The following PTPRD variants were observed in gnomAD, a reference collection of about 807,000 sequenced individuals.
PTPRD encodes the protein receptor-type tyrosine-protein phosphatase delta.
Under a neutral mutation model 214.5 loss-of-function variants are expected in PTPRD, and 34 were observed. That is an observed-to-expected ratio of 0.16 (90% confidence interval 0.12 to 0.21). The LOEUF is 0.21. PTPRD is among the 10% of genes least tolerant of loss of function. The probability of loss-of-function intolerance (pLI) is 1.00; values close to 1 mark genes in which losing one functional copy is unlikely to be tolerated. For synonymous variants in PTPRD, 1,128 were observed against 845.7 expected (o/e 1.33, Z -5.79); for missense variants, 2,545 against 2,398.7 (o/e 1.06, Z -1.27).
chr9:9,404,106 T>C (rs1272740990), intron 8 of PTPRD, among the ~76,000 whole-genome samples: 3 of 152,018 alleles, frequency 2.0e-5, no homozygotes, highest in East Asian at 1.9e-4. Context: ...AACAGAGTGG[T>C]AAAAAATACA....
chr9:9,121,308 C>A (rs949839357), intron 10 of PTPRD, among the ~76,000 whole-genome samples: 2 of 152,160 alleles, frequency 1.3e-5, no homozygotes, highest in African/African-American at 4.8e-5. Context: ...ATTGATTGAG[C>A]AATGACACTA....
chr9:8,607,376 G>A (rs2095267091), intron 14 of PTPRD, among the ~76,000 whole-genome samples: 1 of 152,190 alleles, frequency 6.6e-6, no homozygotes, highest in Non-Finnish European at 1.5e-5. Context: ...CGGGTGCGGT[G>A]CCGCATGCCT....
chr9:9,725,497 GA>G (rs1596108834), intron 7 of PTPRD, among the ~76,000 whole-genome samples: 2 of 152,196 alleles, frequency 1.3e-5, no homozygotes, highest in East Asian at 3.9e-4. Context: ...AAGGCTAAGA[GA>G]AAAGGCACTG....
chr9:10,151,059 C>CTTTTTTT (rs138485125), intron 3 of PTPRD, among the ~76,000 whole-genome samples: 1 of 111,122 alleles, frequency 9.0e-6, no homozygotes. Context: ...TTTTTGTTAA[C>CTTTTTTT]TTTTTTTTTT....
intron 2 of PTPRD, among the ~76,000 whole-genome samples, chr9:10,352,805 T>C (rs1056846171): frequency 6.6e-6 from 1 of 152,038 alleles, no homozygotes; most frequent in Non-Finnish European, 1.5e-5. Flanking sequence ...ATCTGCAAAA[T>C]AGGCTAAAAT....
At chr9:10,450,803 A>T (rs977324186) in intron 2 of PTPRD, among the ~76,000 whole-genome samples, 2 of 151,962 alleles carry the variant, frequency 1.3e-5, no homozygotes, top group African/African-American at 4.8e-5. Flanking sequence ...CTGCTGCTCT[A>T]CCATCACGTC....
intron 2 of PTPRD, among the ~76,000 whole-genome samples, chr9:10,466,247 T>C (rs1047952856): frequency 6.6e-6 from 1 of 152,186 alleles, no homozygotes; most frequent in African/African-American, 2.4e-5. Context: ...CCTGAAATTA[T>C]ACTAGCGAAA....
chr9:8,530,151 T>A (rs1476367684), intron 14 of PTPRD, among the ~76,000 whole-genome samples: 2 of 152,078 alleles, frequency 1.3e-5, no homozygotes, highest in South Asian at 4.1e-4. Context: ...GAATTTCTAA[T>A]GAAGAAGCTC....
At chr9:9,910,123 G>A (rs10759102) in intron 5 of PTPRD, among the ~76,000 whole-genome samples, 58,390 of 151,562 alleles carry the variant, frequency 0.39, 11,552 homozygotes, top group East Asian at 0.47. Context: ...TCATATCTGT[G>A]AAGGCAGAGG....
intron 2 of PTPRD, among the ~76,000 whole-genome samples, chr9:10,572,579 G>T (rs2067811164): frequency 6.6e-6 from 1 of 152,194 alleles, no homozygotes; most frequent in Admixed American, 6.5e-5. Flanking sequence ...CTGTCAGCAT[G>T]TAGATGGGGG....
intron 3 of PTPRD, among the ~76,000 whole-genome samples, chr9:10,100,259 C>T (rs1029058939): frequency 1.3e-5 from 2 of 151,600 alleles, no homozygotes; most frequent in African/African-American, 4.8e-5. Flanking sequence ...AAGCACTTTC[C>T]ATCCATCTCA....
At chr9:9,184,244 G>C (rs541244416) in intron 9 of PTPRD, among the ~76,000 whole-genome samples, 109 of 152,104 alleles carry the variant, frequency 7.2e-4, no homozygotes, top group Admixed American at 6.7e-3. Context: ...ACATCACCCT[G>C]TGTCGGAGAA....
At chr9:8,387,189 G>A (rs2087431244) in intron 37 of PTPRD, among the ~76,000 whole-genome samples, 1 of 152,142 alleles carries the variant, frequency 6.6e-6, no homozygotes, top group South Asian at 2.1e-4. Flanking sequence ...AATGAAGGGA[G>A]CAAACAGAGG....
chr9:8,706,499 GTC>G (rs535737442), intron 12 of PTPRD, among the ~76,000 whole-genome samples: 2 of 152,084 alleles, frequency 1.3e-5, no homozygotes, highest in South Asian at 4.1e-4. Flanking sequence ...AGTCTGCATG[GTC>G]TCTCTTTTTT....
chr9:8,688,543 C>T (rs1336543839), intron 12 of PTPRD, among the ~76,000 whole-genome samples: 2 of 138,510 alleles, frequency 1.4e-5, no homozygotes, highest in African/African-American at 2.7e-5. Flanking sequence ...CCAGCCTGGG[C>T]GATAGAGCGA....
intron 2 of PTPRD, among the ~76,000 whole-genome samples, chr9:10,350,120 AT>A (rs1263267338): frequency 3.9e-5 from 6 of 152,004 alleles, no homozygotes; most frequent in Non-Finnish European, 7.4e-5. Flanking sequence ...ATATAGACCC[AT>A]TTCATTGGTG....
At chr9:10,156,429 T>C (rs1430340099) in intron 3 of PTPRD, among the ~76,000 whole-genome samples, 1 of 152,178 alleles carries the variant, frequency 6.6e-6, no homozygotes, top group South Asian at 2.1e-4. Context: ...TTAATTTCTA[T>C]GTAACTATGA....
At chr9:10,270,200 T>C (rs908943621) in intron 3 of PTPRD, among the ~76,000 whole-genome samples, 1 of 151,974 alleles carries the variant, frequency 6.6e-6, no homozygotes, top group Non-Finnish European at 1.5e-5. Context: ...CTTTAATTCA[T>C]CTTCCTTAAT....
At chr9:10,448,354 G>A (rs183832219) in intron 2 of PTPRD, among the ~76,000 whole-genome samples, 6 of 152,070 alleles carry the variant, frequency 3.9e-5, no homozygotes, top group African/African-American at 1.5e-4. Context: ...TGCTGCTTTT[G>A]AGTGTTTCTG....
Sources: gnomAD v4.1 joint callset for allele counts (sites outside exome capture counted in the v4.1 genomes callset) on GRCh38, gnomAD v4.1.1 for gene constraint, MANE v1.5 for transcripts, NCBI Gene and HGNC (gene_info 2026-07-23, HGNC 2026-07-21) for gene names.